The following GAS7 variants were observed in gnomAD, a reference collection of about 807,000 sequenced individuals.
GAS7 encodes growth arrest specific 7.
GAS7 carries 28 observed loss-of-function variants against 71.1 expected under a neutral mutation model. That is an observed-to-expected ratio of 0.39 (90% CI 0.29 to 0.54). The LOEUF (loss-of-function observed/expected upper bound fraction) is 0.54, where lower values mean the gene tolerates loss of function less well. Among genes scored for constraint, GAS7 ranks in the 20% least tolerant of loss-of-function variants. GAS7 has a pLI of 0.62. For synonymous variants in GAS7, 258 were observed against 245.8 expected, an observed-to-expected ratio of 1.05 and a Z score of -0.46; for missense variants, 436 against 627.8, an observed-to-expected ratio of 0.69 and a Z score of 3.27.
chr17:10,166,707 G>A (rs1173976576), intron 1 of GAS7, among the ~76,000 whole-genome samples: 2 of 152,230 alleles, frequency 1.3e-5, no homozygotes, highest in East Asian at 1.9e-4. Context: ...AATTTTTTAA[G>A]TAAAAATTTT....
At chr17:10,125,122 T>C (rs1468959988) in intron 1 of GAS7, among the ~76,000 whole-genome samples, 1 of 150,992 alleles carries the variant, frequency 6.6e-6, no homozygotes, top group Non-Finnish European at 1.5e-5. Flanking sequence ...ATAAGGGGAT[T>C]GCAAATTAAT....
chr17:10,150,144 T>C (rs993463718), intron 1 of GAS7, among the ~76,000 whole-genome samples: 1 of 152,182 alleles, frequency 6.6e-6, no homozygotes, highest in Middle Eastern at 3.2e-3. Flanking sequence ...ATATTAACTA[T>C]TTTTTAAAGA....
At chr17:10,184,595 C>A (rs546128623) in intron 1 of GAS7, among the ~76,000 whole-genome samples, 1 of 152,326 alleles carries the variant, frequency 6.6e-6, no homozygotes, top group East Asian at 1.9e-4. Context: ...GTGGCATCAC[C>A]TGGGAGCTGG....
chr17:10,068,442 C>T (rs1351860777), intron 1 of GAS7, among the ~76,000 whole-genome samples: 1 of 152,082 alleles, frequency 6.6e-6, no homozygotes, highest in Non-Finnish European at 1.5e-5. Flanking sequence ...TCATGGGACT[C>T]AGCATATGTT....
chr17:10,040,001 C>T (rs2072832830), intron 1 of GAS7, among the ~76,000 whole-genome samples: 1 of 152,198 alleles, frequency 6.6e-6, no homozygotes, highest in Non-Finnish European at 1.5e-5. Context: ...GGGACTCTTC[C>T]TCCCTCTCTA....
intron 1 of GAS7, among the ~76,000 whole-genome samples, chr17:10,155,204 T>G (rs1260210573): frequency 6.6e-6 from 1 of 151,988 alleles, no homozygotes; most frequent in Non-Finnish European, 1.5e-5. Context: ...TAAGTAGAGA[T>G]GGGGTTTCAC....
rs544401452 is a variant in GAS7, at chr17:10,134,980, G to A, written c.183+63228C>T. 2.6e-3 allele frequency among the ~76,000 whole-genome samples: 394 copies of A among 152,046 alleles called. 3 individuals are homozygous for A. Among genetic ancestry groups the A allele is most frequent in the African/African-American group, 9.1e-3 (379 of 41,476 alleles). Reference sequence around the variant, plus strand: ...CCCAAGTAGCTGGGACTACAGGTGCGTGCCACCACGCCCGGGTAATTCTTG... The same window carrying A: ...CCCAAGTAGCTGGGACTACAGGTGCATGCCACCACGCCCGGGTAATTCTTG... On this transcript the variant is annotated intron_variant, in intron 1 of 13. Coordinates refer to ENST00000432992, the MANE Select transcript of GAS7 (RefSeq NM_201433.2).
chr17:9,995,372 G>A (rs2070999106), intron 2 of GAS7, among the ~76,000 whole-genome samples: 1 of 152,114 alleles, frequency 6.6e-6, no homozygotes, highest in Admixed American at 6.5e-5. Flanking sequence ...TAGATAAAAA[G>A]AAAGATAAAG....
At chr17:10,122,399 C>CAGTCAG (rs2073912058) in intron 1 of GAS7, among the ~76,000 whole-genome samples, 1 of 152,198 alleles carries the variant, frequency 6.6e-6, no homozygotes, top group Admixed American at 6.5e-5. Flanking sequence ...GGCACTTTCC[C>CAGTCAG]AGTCAGTTTA....
At position 9,926,621 on chromosome 17, in the gene GAS7, C is replaced by T; in HGVS notation, c.1014+20G>A. ...AGTCCCCCATGCACCTGCCCTGGCC[C>T]AGCGTCCTGGGCCTCTCACCTTCTC... is the stretch of plus-strand genomic sequence containing the variant. On this transcript the variant is annotated intron_variant, in intron 10 of 13. Coordinates refer to ENST00000432992, the MANE Select transcript of GAS7 (RefSeq NM_201433.2). The surrounding 1 kb of genome is among the most constrained non-coding windows in gnomAD (Gnocchi z 5.0). The T allele has an allele frequency of 6.2e-7, 1 of 1,611,952 alleles. No individual in the cohort carries two copies. Among genetic ancestry groups the T allele is most frequent in the Non-Finnish European group, 8.5e-7 (1 of 1,179,938 alleles).
intron 1 of GAS7, among the ~76,000 whole-genome samples, chr17:10,123,255 A>G (rs1239435816): frequency 6.6e-6 from 1 of 152,194 alleles, no homozygotes; most frequent in African/African-American, 2.4e-5. Context: ...GCATGTTAAA[A>G]CACAGACAGC....
intron 8 of GAS7, among the ~76,000 whole-genome samples, chr17:9,939,279 T>A (rs2068510844): frequency 1.3e-5 from 2 of 152,022 alleles, no homozygotes; most frequent in Non-Finnish European, 2.9e-5. Flanking sequence ...GGGCTGAGAC[T>A]TTTTTACCCA....
At chr17:10,176,308 GA>G (rs2074373883) in intron 1 of GAS7, among the ~76,000 whole-genome samples, 1 of 152,210 alleles carries the variant, frequency 6.6e-6, no homozygotes, top group Non-Finnish European at 1.5e-5. Flanking sequence ...TGAGGGGTTA[GA>G]CCAAGCCACC....
intron 11 of GAS7, 130 bp downstream of exon 11, chr17:9,925,346 C>G (rs1000873455): frequency 6.6e-6 from 6 of 905,542 alleles, no homozygotes; most frequent in African/African-American, 1.6e-5. Flanking sequence ...TCCTGGCAAA[C>G]AAGGGAAGTA....
At chr17:10,108,419 C>T (rs1400303984) in intron 1 of GAS7, among the ~76,000 whole-genome samples, 3 of 152,212 alleles carry the variant, frequency 2.0e-5, no homozygotes, top group Admixed American at 6.5e-5. Context: ...CACACAGGGT[C>T]GTTCTCAGGG....
chr17:9,918,929 G>T (rs2067690562), intron 12 of GAS7, among the ~76,000 whole-genome samples: 1 of 152,152 alleles, frequency 6.6e-6, no homozygotes, highest in Non-Finnish European at 1.5e-5. Flanking sequence ...CCTCTAATCT[G>T]CTCTGGTGGG....
chr17:10,130,634 C>T (rs1271799952), intron 1 of GAS7, among the ~76,000 whole-genome samples: 1 of 152,158 alleles, frequency 6.6e-6, no homozygotes, highest in Non-Finnish European at 1.5e-5. Flanking sequence ...ATAAACAAAA[C>T]GTGATCTATC....
intron 1 of GAS7, among the ~76,000 whole-genome samples, chr17:10,067,963 G>C (rs1343330032): frequency 6.6e-6 from 1 of 152,210 alleles, no homozygotes; most frequent in African/African-American, 2.4e-5. Context: ...AAGAATCGGG[G>C]TGTGGCCTCT....
intron 11 of GAS7, among the ~76,000 whole-genome samples, chr17:9,922,463 A>G (rs1428154506): frequency 6.6e-6 from 1 of 152,226 alleles, no homozygotes; most frequent in Non-Finnish European, 1.5e-5. Context: ...CTCATTTGTA[A>G]AGGGTATAAA....
Sources: gnomAD v4.1 joint callset for allele counts (sites outside exome capture counted in the v4.1 genomes callset) on GRCh38, gnomAD v4.1.1 for gene constraint, Gnocchi (gnomAD v3.1) non-coding constraint, MANE v1.5 for transcripts, NCBI Gene and HGNC (gene_info 2026-07-23, HGNC 2026-07-21) for gene names.